HS3ST4: variants seen among roughly 807,000 people sequenced by gnomAD.
HS3ST4 encodes the protein heparan sulfate glucosamine 3-O-sulfotransferase 4.
Under a neutral mutation model 29.2 loss-of-function variants are expected in HS3ST4, and 17 were observed. The ratio of observed to expected loss-of-function variants is 0.58; its 90% CI spans 0.40 to 0.87. HS3ST4 has a LOEUF of 0.87. Among genes scored for constraint, HS3ST4 ranks in the 40% least tolerant of loss-of-function variants. The pLI is 0.00. For missense variants in HS3ST4, 627 were observed against 634.5 expected, an observed-to-expected ratio of 0.99 and a Z score of 0.13; for synonymous variants, 314 against 285.7, an observed-to-expected ratio of 1.10 and a Z score of -1.00.
intron 1 of HS3ST4, among the ~76,000 whole-genome samples, chr16:26,024,388 TAA>T (rs1403305712): frequency 1.3e-5 from 2 of 152,182 alleles, no homozygotes; most frequent in Non-Finnish European, 2.9e-5. Flanking sequence ...AACTGTGGCA[TAA>T]GAGTCCATGT....
At chr16:26,084,234 T>C (rs1009816080) in intron 1 of HS3ST4, among the ~76,000 whole-genome samples, 5 of 152,186 alleles carry the variant, frequency 3.3e-5, no homozygotes, top group African/African-American at 1.2e-4. Context: ...GGGCATTGCT[T>C]ATCCAAGGTA....
intron 1 of HS3ST4, among the ~76,000 whole-genome samples, chr16:26,075,727 G>A (rs911742731): frequency 1.3e-5 from 2 of 152,142 alleles, no homozygotes; most frequent in African/African-American, 4.8e-5. Context: ...TACATTGCCT[G>A]ATACATTCCC....
chr16:25,956,568 T>C (rs4436783), intron 1 of HS3ST4, among the ~76,000 whole-genome samples: 19,507 of 152,202 alleles, frequency 0.13, 1,375 homozygotes, highest in African/African-American at 0.16. Flanking sequence ...ACTCAAATAC[T>C]CCTCCAAAAG....
chr16:25,860,780 T>C (rs559405906), intron 1 of HS3ST4, among the ~76,000 whole-genome samples: 5 of 152,282 alleles, frequency 3.3e-5, no homozygotes, highest in Admixed American at 3.3e-4. Context: ...TGTATGATAC[T>C]ACGATGGTGG....
intron 1 of HS3ST4, among the ~76,000 whole-genome samples, chr16:25,939,664 G>C (rs1362499495): frequency 6.6e-6 from 1 of 152,084 alleles, no homozygotes; most frequent in Non-Finnish European, 1.5e-5. Flanking sequence ...TAAACATCCT[G>C]TTTGTCAGCT....
chr16:25,724,714 C>A (rs969731151), intron 1 of HS3ST4, among the ~76,000 whole-genome samples: 1 of 152,078 alleles, frequency 6.6e-6, no homozygotes, highest in African/African-American at 2.4e-5. Context: ...GAAGTCATCA[C>A]CTGAACCCGA....
intron 1 of HS3ST4, among the ~76,000 whole-genome samples, chr16:25,850,995 C>A (rs889406285): frequency 6.6e-6 from 1 of 152,150 alleles, no homozygotes; most frequent in Non-Finnish European, 1.5e-5. Context: ...TATTTTACTT[C>A]CAGAGTTTAG....
chr16:26,046,233 C>T (rs1475867465), intron 1 of HS3ST4, among the ~76,000 whole-genome samples: 4 of 150,896 alleles, frequency 2.7e-5, no homozygotes, highest in Non-Finnish European at 5.9e-5. Context: ...TCACTGCAAC[C>T]TCTGCCTCCC....
chr16:25,790,902 A>G (rs12444836), intron 1 of HS3ST4, among the ~76,000 whole-genome samples: 1,906 of 152,284 alleles, frequency 0.013, 20 homozygotes, highest in Non-Finnish European at 0.02. Context: ...ATTTTTATAT[A>G]GCCTAGTTAA....
intron 1 of HS3ST4, among the ~76,000 whole-genome samples, chr16:25,984,651 T>A (rs1468960506): frequency 6.6e-6 from 1 of 152,218 alleles, no homozygotes; most frequent in East Asian, 1.9e-4. Flanking sequence ...CTTGTATAAG[T>A]GAAAACATGC....
intron 1 of HS3ST4, chr16:25,933,454 A>G: frequency 2.0e-6 from 1 of 493,218 alleles, no homozygotes; most frequent in Non-Finnish European, 4.1e-6. Flanking sequence ...AAAAATCTAG[A>G]TTTCCACCAT....
At chr16:25,962,763 A>C (rs1413108890) in intron 1 of HS3ST4, among the ~76,000 whole-genome samples, 2 of 152,198 alleles carry the variant, frequency 1.3e-5, no homozygotes, top group Non-Finnish European at 2.9e-5. Context: ...ATTCGGAATA[A>C]GATACCTAAC....
chr16:26,067,726 G>C (rs1898558111), intron 1 of HS3ST4, among the ~76,000 whole-genome samples: 1 of 152,178 alleles, frequency 6.6e-6, no homozygotes, highest in South Asian at 2.1e-4. Flanking sequence ...TGGAACTGTA[G>C]CTCCCATAAT....
At chr16:25,798,645 C>G (rs184877266) in intron 1 of HS3ST4, among the ~76,000 whole-genome samples, 6 of 152,270 alleles carry the variant, frequency 3.9e-5, no homozygotes, top group Admixed American at 3.9e-4. Flanking sequence ...ATAATAAAAT[C>G]TAGCACAAGG....
At chr16:25,908,207 T>A (rs911004009) in intron 1 of HS3ST4, among the ~76,000 whole-genome samples, 1 of 152,122 alleles carries the variant, frequency 6.6e-6, no homozygotes, top group African/African-American at 2.4e-5. Context: ...CTGCCACAGA[T>A]GAGAACCTAA....
chr16:25,856,438 G>T (rs4603563), intron 1 of HS3ST4, among the ~76,000 whole-genome samples: 76,326 of 151,896 alleles, frequency 0.5, 19,390 homozygotes, highest in Admixed American at 0.52. Flanking sequence ...TAAGAAACCT[G>T]CATAACAAAA....
At chr16:26,121,560 C>A (rs1275722264) in intron 1 of HS3ST4, among the ~76,000 whole-genome samples, 4 of 152,124 alleles carry the variant, frequency 2.6e-5, no homozygotes, top group Non-Finnish European at 1.5e-5. Flanking sequence ...GGATCAGTAG[C>A]AGGATGCAGG....
At chr16:25,995,945 T>C (rs1458522063) in intron 1 of HS3ST4, among the ~76,000 whole-genome samples, 1 of 151,856 alleles carries the variant, frequency 6.6e-6, no homozygotes, top group East Asian at 1.9e-4. Context: ...GGAACAGCGA[T>C]TGTGTGTCAC....
chr16:26,084,774 T>G (rs887348472), intron 1 of HS3ST4, among the ~76,000 whole-genome samples: 1 of 152,118 alleles, frequency 6.6e-6, no homozygotes, highest in African/African-American at 2.4e-5. Context: ...TTGTTGTTTT[T>G]TTTTTAATTT....
Sources: gnomAD v4.1 joint callset for allele counts (sites outside exome capture counted in the v4.1 genomes callset) on GRCh38, gnomAD v4.1.1 for gene constraint, MANE v1.5 for transcripts, NCBI Gene and HGNC (gene_info 2026-07-23, HGNC 2026-07-21) for gene names.